The following SHPK variants were observed in gnomAD, a reference collection of about 807,000 sequenced individuals.
The protein encoded by SHPK is sedoheptulokinase.
SHPK carries 51 observed loss-of-function variants against 46.3 expected under a neutral mutation model. The ratio of observed to expected loss-of-function variants is 1.10; its 90% CI spans 0.88 to 1.39. SHPK has a LOEUF of 1.39. SHPK is among the 40% of genes most tolerant of loss of function. SHPK has a pLI of 0.00. For synonymous variants in SHPK, 290 were observed against 273.9 expected, an observed-to-expected ratio of 1.06 and a Z score of -0.58; for missense variants, 668 against 641.3, an observed-to-expected ratio of 1.04 and a Z score of -0.45.
At position 3,624,078 on chromosome 17, in the gene SHPK, C is replaced by T; in HGVS notation, c.464G>A (p.Cys155Tyr). The change falls in exon 3 of 7, where the codon TGT (cysteine) becomes TAT (tyrosine). Residue 155 changes from cysteine (C) to tyrosine (Y), a missense_variant. By Grantham distance (194) the Cys-to-Tyr change is radical. Transcript: ENST00000225519. ...SHLSVATGFG[C>Y]ATIFWLLKYR... ...TTTCAAAAGCCAGAAGATGGTTGCACAGCCGAAGCCCGTGGCCACACTGAG... is the reference window on the plus strand; with the variant it reads ...TTTCAAAAGCCAGAAGATGGTTGCATAGCCGAAGCCCGTGGCCACACTGAG... The T allele has an allele frequency of 6.2e-7, 1 of 1,609,788 alleles. No homozygotes were observed. Among genetic ancestry groups the T allele is most frequent in the Non-Finnish European group, 8.5e-7 (1 of 1,176,620 alleles).
Position 3,621,426 on chromosome 17 carries a change from G to C in SHPK, c.648-14C>G. The C allele has an allele frequency of 6.2e-7, 1 of 1,612,344 alleles. No homozygotes were observed. The highest frequency in any genetic ancestry group is 8.5e-7 in the Non-Finnish European group (1 of 1,179,064). ...GAGCTCCTCAGTCTGTAAAACAGAAGTGGACACCCACATGGACCCACAGTT... is the reference window on the plus strand; with the variant it reads ...GAGCTCCTCAGTCTGTAAAACAGAACTGGACACCCACATGGACCCACAGTT... On this transcript the variant is annotated splice_polypyrimidine_tract_variant and intron_variant, in intron 4 of 6. Coordinates refer to ENST00000225519, the MANE Select transcript of SHPK (RefSeq NM_013276.4).
At chr17:3,613,859 G>A (rs1392718760) in intron 6 of SHPK, among the ~76,000 whole-genome samples, 6 of 152,044 alleles carry the variant, frequency 3.9e-5, no homozygotes, top group East Asian at 1.9e-4. Context: ...CATGCACAGC[G>A]CCAAAAAAGG....
intron 6 of SHPK, 40 bp from the exon 7 acceptor site, chr17:3,611,012 C>T (rs1168490636): frequency 1.3e-6 from 2 of 1,543,614 alleles, no homozygotes; most frequent in African/African-American, 1.4e-5. Flanking sequence ...CTCATGCGTC[C>T]CCCTCAGTGC....
In SHPK at chr17:3,621,370, G is replaced by A. The variant is rs553320623; in HGVS notation, c.690C>T (p.Ile230=). The A allele has an allele frequency of 9.6e-5, 155 of 1,614,140 alleles. 1 individual carries two copies. The South Asian group carries it at 1.2e-3, about 12-fold the overall frequency. Residue 230 remains isoleucine, a synonymous_variant, in exon 5 of 7, where the codon ATC becomes ATT. Coordinates refer to ENST00000225519, the MANE Select transcript of SHPK (RefSeq NM_013276.4). ...TGCCCGCCACACTGCCAGGCTCGGCGATGTCTGGGAGCAGGTGGACAGGAA... is the reference window on the plus strand; with the variant it reads ...TGCCCGCCACACTGCCAGGCTCGGCAATGTCTGGGAGCAGGTGGACAGGAA... ...SGFPVHLLPD[I]AEPGSVAGRT...
At position 3,609,862 on chromosome 17, in the gene SHPK, GCAGTT is replaced by G. The variant is rs2075325607; in HGVS notation, c.*693_*697del. The G allele has an allele frequency of 6.6e-6, 1 of 152,642 alleles. No individual in the cohort carries two copies. The highest frequency in any genetic ancestry group is 1.5e-5 in the Non-Finnish European group (1 of 68,160). The allele number at this position is 152,642 out of a possible 1,614,324, so 9.5% of individuals were successfully genotyped here. On this transcript the variant is annotated 3_prime_UTR_variant, in exon 7 of 7. Coordinates refer to ENST00000225519, the MANE Select transcript of SHPK (RefSeq NM_013276.4). ...CTCCTTCTCGCAACCTGCCTTCCAG[GCAGTT>G]GTGCTGTGAAGACCTGGGCGGCCTG...
intron 5 of SHPK, among the ~76,000 whole-genome samples, chr17:3,620,134 GCAAAGCC>G (rs1356210226): frequency 3.3e-5 from 5 of 152,116 alleles, no homozygotes; most frequent in Non-Finnish European, 7.4e-5. Context: ...GGCATGATCC[GCAAAGCC>G]GAAAATATTT....
Position 3,636,123 on chromosome 17 carries a change from C to G in SHPK, c.97G>C (p.Ala33Pro), listed in dbSNP as rs1456018872. ...RAAPDDPSGF[A>P]VLASCARAAR... ...GCACGGGCACAGCTCGCCAGCACTG[C>G]GAACCCGGATGGGTCGTCGGGCGCG... Residue 33 changes from alanine to proline, a missense_variant, in exon 1 of 7, where the codon GCA (alanine) becomes CCA (proline). Transcript: ENST00000225519. 14 of 1,610,208 alleles carry G rather than the reference C, an allele frequency of 8.7e-6. No individual in the cohort carries two copies. Among genetic ancestry groups the G allele is most frequent in the Admixed American group, 1.7e-5 (1 of 59,680 alleles).
Position 3,622,850 on chromosome 17 carries a change from G to T in SHPK, c.647+489C>A, listed in dbSNP as rs933280442. Among the ~76,000 whole-genome samples the T allele has an allele frequency of 1.1e-4, 16 of 151,854 alleles. 1 individual carries two copies. Among genetic ancestry groups the T allele is most frequent in the Admixed American group, 2.6e-4 (4 of 15,224 alleles). ...CTCCAGAGTAGCTGGGATTACAGGC[G>T]CACTCCACCACGCCCAGCTAATTTT... On this transcript the variant is annotated intron_variant, in intron 4 of 6. Transcript: ENST00000225519.
chr17:3,623,855 T>A (rs1357682151), intron 3 of SHPK, among the ~76,000 whole-genome samples, 193 bp downstream of exon 3: 1 of 152,176 alleles, frequency 6.6e-6, no homozygotes, highest in Non-Finnish European at 1.5e-5. Context: ...GGGAACTGGA[T>A]AACCAATAGA....
intron 4 of SHPK, 110 bp downstream of exon 4, chr17:3,623,229 T>C (rs2075413139): frequency 1.0e-5 from 13 of 1,279,274 alleles, no homozygotes; most frequent in Middle Eastern, 2.6e-4. Context: ...TCCTGGCCTC[T>C]GGGAACCCTC....
At chr17:3,615,193 A>AGTT in intron 6 of SHPK, 144 bp downstream of exon 6, 1 of 721,818 alleles carries the variant, frequency 1.4e-6, no homozygotes, top group Admixed American at 2.5e-5. Context: ...ATCCCAAAGG[A>AGTT]TGGGAGAAAT....
At chr17:3,622,832 G>A (rs1477477767) in intron 4 of SHPK, among the ~76,000 whole-genome samples, 1 of 151,590 alleles carries the variant, frequency 6.6e-6, no homozygotes, top group Non-Finnish European at 1.5e-5. Context: ...AGCCTCCAGA[G>A]TAGCTGGGAT....
At position 3,624,189 on chromosome 17, in the gene SHPK, G is replaced by T. The variant is rs1450047599; in HGVS notation, c.353C>A (p.Pro118His). 2 of 1,613,872 alleles carry T rather than the reference G, an allele frequency of 1.2e-6. No individual in the cohort carries two copies. Among genetic ancestry groups the T allele is most frequent in the Non-Finnish European group, 1.7e-6 (2 of 1,179,906 alleles). ...TEGGITPVFE[P>H]RAVSHLVTWQ... ...CGTGACCAGGTGGCTAACAGCTCGGGGCTCGAACACCGGGGTAATCCCTCC... is the reference window on the plus strand; with the variant it reads ...CGTGACCAGGTGGCTAACAGCTCGGTGCTCGAACACCGGGGTAATCCCTCC... The change falls in exon 3 of 7, where the codon CCC becomes CAC. Residue 118 changes from proline (P) to histidine (H), a missense_variant. Transcript: ENST00000225519.
rs771670964 is a variant in SHPK, at chr17:3,615,416, C to T, written c.945G>A (p.Leu315=). 6 of 1,614,200 alleles carry T rather than the reference C, an allele frequency of 3.7e-6. No homozygotes were observed. The East Asian group carries it at 6.7e-5, about 18-fold the overall frequency. The change falls in exon 6 of 7, where the codon CTG becomes CTA. Residue 315 remains leucine (L), a synonymous_variant. Transcript: ENST00000225519. ...AYFPYFNRTY[L]GVAASLNGGN... Reference sequence around the variant, plus strand: ...CCCCGTTGAGTGACGCGGCCACCCCCAGGTAGGTCCTGTTGAAGTATGGGA... The same window carrying T: ...CCCCGTTGAGTGACGCGGCCACCCCTAGGTAGGTCCTGTTGAAGTATGGGA...
At chr17:3,624,288 C>A in intron 2 of SHPK, 57 bp from the exon 3 acceptor site, 1 of 1,511,574 alleles carries the variant, frequency 6.6e-7, no homozygotes, top group Non-Finnish European at 9.0e-7. Context: ...AGGCATGGCG[C>A]GGCCTTGATA....
At chr17:3,632,758 C>T (rs1746784462) in intron 1 of SHPK, among the ~76,000 whole-genome samples, 1 of 152,008 alleles carries the variant, frequency 6.6e-6, no homozygotes, top group Non-Finnish European at 1.5e-5. Context: ...CTCCTCAGGC[C>T]TCTTTTTACA....
At position 3,630,870 on chromosome 17, in the gene SHPK, A is replaced by G. The variant is rs936521095; in HGVS notation, c.169-524T>C. Among the ~76,000 whole-genome samples, 25 of 152,162 alleles carry G rather than the reference A, an allele frequency of 1.6e-4. 1 individual carries two copies. The highest frequency in any genetic ancestry group is 1.3e-4 in the Admixed American group (2 of 15,270). Reference sequence around the variant, plus strand: ...CAAAGTGAGACTCCATCTCAAAAAAACCAACTAGAGGAATCCACAGAAAGT... The same window carrying G: ...CAAAGTGAGACTCCATCTCAAAAAAGCCAACTAGAGGAATCCACAGAAAGT... On this transcript the variant is annotated intron_variant, in intron 1 of 6. Coordinates refer to ENST00000225519, the MANE Select transcript of SHPK (RefSeq NM_013276.4).
rs559872195 is a variant in SHPK at position 3,622,474 on chromosome 17, C to T, written c.647+865G>A. ...ATGCAGCAGGCTCCTGAATATCAAA[C>T]GTGTTAGTCACTCAGGGTTAGTGAA... On this transcript the variant is annotated intron_variant, in intron 4 of 6. Coordinates refer to ENST00000225519, the MANE Select transcript of SHPK (RefSeq NM_013276.4). 1.1e-4 allele frequency: 57 copies of T among 506,944 alleles called. No individual in the cohort carries two copies. In the African/African-American group the frequency reaches 1.1e-3, roughly 10 times the overall value. The allele number at this position is 506,944 out of a possible 1,614,324, so 31.4% of individuals were successfully genotyped here.
chr17:3,616,688 G>T (rs1256566161), intron 5 of SHPK, among the ~76,000 whole-genome samples: 1 of 152,198 alleles, frequency 6.6e-6, no homozygotes, highest in Non-Finnish European at 1.5e-5. Flanking sequence ...TTCATTGGCA[G>T]TGAATACTAC....
Sources: gnomAD v4.1 joint callset for allele counts (sites outside exome capture counted in the v4.1 genomes callset) on GRCh38, gnomAD v4.1.1 for gene constraint, MANE v1.5 for transcripts, NCBI Gene and HGNC (gene_info 2026-07-23, HGNC 2026-07-21) for gene names.